The following EIF2B4 variants were observed in gnomAD, a reference collection of about 807,000 sequenced individuals.
The protein encoded by EIF2B4 is translation initiation factor eIF2B subunit delta.
In EIF2B4, 34 loss-of-function variants were observed where a neutral mutation model predicts 66.7. The ratio of observed to expected loss-of-function variants is 0.51; its 90% confidence interval spans 0.39 to 0.68. The LOEUF (loss-of-function observed/expected upper bound fraction) is 0.68. Among genes scored for constraint, EIF2B4 ranks in the 30% least tolerant of loss-of-function variants. The pLI is 0.00. For synonymous variants in EIF2B4, 278 were observed against 253.6 expected (o/e 1.10, Z -0.92); for missense variants, 618 against 657.9 (o/e 0.94, Z 0.66).
intron 6 of EIF2B4, 70 bp from the exon 7 acceptor site, chr2:27,368,209 A>G: frequency 7.2e-7 from 1 of 1,382,734 alleles, no homozygotes; most frequent in East Asian, 2.5e-5. Flanking sequence ...GCCCCTGATG[A>G]AAAGGAACTC....
chr2:27,369,607 C>T, intron 2 of EIF2B4, 58 bp from the exon 3 acceptor site: 1 of 1,612,012 alleles, frequency 6.2e-7, no homozygotes, highest in Non-Finnish European at 8.5e-7. Context: ...GGAACAAATA[C>T]TATTGGATGC....
Position 27,368,470 on chromosome 2 carries a change from A to C in EIF2B4, c.499-7T>G. The C allele has an allele frequency of 1.2e-6, 2 of 1,611,468 alleles. No homozygotes were observed. The highest frequency in any genetic ancestry group is 1.7e-6 in the Non-Finnish European group (2 of 1,177,612). On this transcript the variant is annotated splice_region_variant and splice_polypyrimidine_tract_variant and intron_variant, in intron 5 of 12. Coordinates refer to ENST00000347454, the MANE Select transcript of EIF2B4 (RefSeq NM_001034116.2). ...AATCCTTTCGTGTAGGAACCTTGAC[A>C]AAACAAGGGAACAGGACCAATGGCC...
chr2:27,364,936 G>A (rs1414482670), intron 11 of EIF2B4, 38 bp from the exon 12 acceptor site: 5 of 1,602,860 alleles, frequency 3.1e-6, no homozygotes, highest in Non-Finnish European at 3.4e-6. Context: ...AAATGTCATT[G>A]TTGTATCAAT....
chr2:27,366,697 TTATGTC>T, intron 11 of EIF2B4, 56 bp downstream of exon 11: 2 of 1,585,254 alleles, frequency 1.3e-6, no homozygotes, highest in Non-Finnish European at 1.7e-6. Context: ...GAAGGTGAGA[TTATGTC>T]TATACTACTA....
rs1365491997 is a variant in EIF2B4, at chr2:27,368,386, CAG to C, written c.574_575del (p.Leu192AspfsTer53). The C allele has an allele frequency of 6.2e-7, 1 of 1,613,636 alleles. No individual in the cohort carries two copies. The highest frequency in any genetic ancestry group is 1.1e-5 in the South Asian group (1 of 90,994). On this transcript the variant is annotated frameshift_variant, in exon 6 of 13. Coordinates refer to ENST00000347454, the MANE Select transcript of EIF2B4 (RefSeq NM_001034116.2). LOFTEE classifies it high-confidence loss of function. ...TAGGATCCTACCTCATAAACTGGGT[CAG>C]AGAGTTTTGTCTGCTGTACTGGGGT... ...HLPQYSRQNSLTQFMSIPSSV... is the reference protein window; with the variant it reads ...HLPQYSRQNSXTQFMSIPSSV...
At chr2:27,366,537 G>A in intron 11 of EIF2B4, 2 of 600,176 alleles carry the variant, frequency 3.3e-6, no homozygotes, top group Admixed American at 2.8e-5. Flanking sequence ...AAAACTAGCT[G>A]GGCATGGTGG....
rs1247859477 is a variant in EIF2B4 at position 27,364,367 on chromosome 2, A to C, written c.*33T>G. 6.2e-7 allele frequency: 1 copy of C among 1,605,226 alleles called. No homozygotes were observed. Among genetic ancestry groups the C allele is most frequent in the Non-Finnish European group, 8.5e-7 (1 of 1,173,522 alleles). On this transcript the variant is annotated 3_prime_UTR_variant, in exon 13 of 13. Transcript: ENST00000347454. ...GGCAGCAGAGTTGCTGAGGGTAGGG[A>C]GTATGGCATTTATTAACCCTGTGTT...
rs201950471 is a variant in EIF2B4, at chr2:27,369,133, C to T, written c.291G>A (p.Lys97=). The T allele has an allele frequency of 1.4e-5, 23 of 1,614,048 alleles. No individual in the cohort carries two copies. The East Asian group carries it at 4.9e-4, about 34-fold the overall frequency. The change falls in exon 4 of 13, where the codon AAG becomes AAA. Residue 97 remains lysine, a synonymous_variant. Transcript: ENST00000347454. Reference sequence around the variant, plus strand: ...CTCGACGCTCAGCCCGAAGTTCGGCCTTACTCCGACCAGCTGGAACTTTCT... The same window carrying T: ...CTCGACGCTCAGCCCGAAGTTCGGCTTTACTCCGACCAGCTGGAACTTTCT... ...PREKVPAGRS[K]AELRAERRAK...
intron 3 of EIF2B4, 31 bp downstream of exon 3, chr2:27,369,383 C>A: frequency 1.2e-6 from 2 of 1,613,740 alleles, no homozygotes; most frequent in Non-Finnish European, 1.7e-6. Context: ...AGCTCCACAC[C>A]CCAGCCCTTT....
At chr2:27,365,932 T>C (rs1681813178) in intron 11 of EIF2B4, 1 of 152,318 alleles carries the variant, frequency 6.6e-6, no homozygotes, top group East Asian at 1.9e-4. Context: ...TGGAGTGCAG[T>C]GGTGCAATGA....
chr2:27,368,318 GACTT>G, intron 6 of EIF2B4, 50 bp downstream of exon 6: 2 of 1,507,732 alleles, frequency 1.3e-6, no homozygotes, highest in Non-Finnish European at 1.8e-6. Flanking sequence ...TTTCAATACT[GACTT>G]ACTAAAACTC....
chr2:27,369,953 A>G, intron 1 of EIF2B4, 34 bp from the exon 2 acceptor site: 20 of 1,563,918 alleles, frequency 1.3e-5, no homozygotes, highest in Non-Finnish European at 1.6e-5. Flanking sequence ...AGTGAGCCAG[A>G]GAGACTCCGG....
Position 27,364,364 on chromosome 2 carries a change from G to C in EIF2B4, c.*36C>G. 1 of 1,602,232 alleles carries C rather than the reference G, an allele frequency of 6.2e-7. No homozygotes were observed. The highest frequency in any genetic ancestry group is 8.5e-7 in the Non-Finnish European group (1 of 1,171,154). ...AAAGGCAGCAGAGTTGCTGAGGGTA[G>C]GGAGTATGGCATTTATTAACCCTGT... On this transcript the variant is annotated 3_prime_UTR_variant, in exon 13 of 13. Coordinates refer to ENST00000347454, the MANE Select transcript of EIF2B4 (RefSeq NM_001034116.2).
intron 2 of EIF2B4, 131 bp from the exon 3 acceptor site, chr2:27,369,680 A>T: frequency 6.5e-7 from 1 of 1,536,846 alleles, no homozygotes; most frequent in Non-Finnish European, 9.0e-7. Flanking sequence ...TACCTGTTGC[A>T]AGCTTACATC....
At chr2:27,364,981 A>T (rs893944000) in intron 11 of EIF2B4, 83 bp from the exon 12 acceptor site, 7 of 1,370,622 alleles carry the variant, frequency 5.1e-6, no homozygotes, top group Admixed American at 1.9e-5. Context: ...GGACAGCAAC[A>T]TTAAGACAAG....
At position 27,367,099 on chromosome 2, in the gene EIF2B4, C is replaced by A; in HGVS notation, c.988G>T (p.Gly330Ter). Residue 330 changes from glycine (G) to a stop codon, truncating the protein, a stop_gained, in exon 10 of 13, where the codon GGA becomes TGA. Transcript: ENST00000347454. LOFTEE classifies it high-confidence loss of function. Reference sequence around the variant, plus strand: ...CATCCATATACCAGGATCACATCTCCATTACTGATCTTCTGGTAAGCAAAG... The same window carrying A: ...CATCCATATACCAGGATCACATCTCAATTACTGATCTTCTGGTAAGCAAAG... Reference protein sequence around the residue: ...SRFAYQKISNGDVILVYGCSS... With the variant: ...SRFAYQKISN The A allele has an allele frequency of 6.2e-7, 1 of 1,614,202 alleles. No individual in the cohort carries two copies. The highest frequency in any genetic ancestry group is 8.5e-7 in the Non-Finnish European group (1 of 1,180,042).
intron 2 of EIF2B4, 122 bp downstream of exon 2, chr2:27,369,752 CTG>C: frequency 6.9e-7 from 1 of 1,453,720 alleles, no homozygotes; most frequent in Non-Finnish European, 9.3e-7. Context: ...TGCAAGACCT[CTG>C]TAAAATCTCC....
chr2:27,368,878 T>C (rs1389538014), intron 4 of EIF2B4, 128 bp downstream of exon 4: 3 of 1,423,428 alleles, frequency 2.1e-6, no homozygotes, highest in African/African-American at 2.8e-5. Context: ...GATAGGATAA[T>C]GGGGTTGCAG....
At chr2:27,370,165 G>C in intron 1 of EIF2B4, 119 bp downstream of exon 1, 1 of 1,544,534 alleles carries the variant, frequency 6.5e-7, no homozygotes, top group Non-Finnish European at 8.7e-7. Flanking sequence ...TGTGTAGACC[G>C]GAGCCCAGCG....
Sources: allele counts gnomAD v4.1 joint callset, GRCh38; gene constraint gnomAD v4.1.1; transcripts MANE v1.5; gene names NCBI Gene and HGNC (gene_info 2026-07-23, HGNC 2026-07-21).